CSMD1: variants seen among roughly 807,000 people sequenced by gnomAD.
CSMD1 encodes the protein CUB and sushi domain-containing protein 1.
A neutral mutation model predicts 417.5 loss-of-function variants in CSMD1; 213 were observed. That is an observed-to-expected ratio of 0.51 (90% CI 0.46 to 0.57). The LOEUF (loss-of-function observed/expected upper bound fraction) is 0.57. Ranked by LOEUF, CSMD1 falls within the 20% of genes least tolerant of loss-of-function variation. The pLI is 0.00. For synonymous variants in CSMD1, 2,862 were observed against 1,736.8 expected (o/e 1.65, Z -16.11); for missense variants, 6,923 against 4,529.7 (o/e 1.53, Z -15.17).
chr8:4,852,391 T>G (rs997110258), intron 1 of CSMD1, among the ~76,000 whole-genome samples: 1 of 152,094 alleles, frequency 6.6e-6, no homozygotes, highest in African/African-American at 2.4e-5. Context: ...CTCTCCTCTC[T>G]CTCTCGTTCT....
intron 1 of CSMD1, among the ~76,000 whole-genome samples, chr8:4,714,098 T>C (rs1453414810): frequency 6.6e-6 from 1 of 151,854 alleles, no homozygotes; most frequent in East Asian, 1.9e-4. Flanking sequence ...TGAGCCAAGA[T>C]CATGCCATTG....
intron 10 of CSMD1, among the ~76,000 whole-genome samples, chr8:3,499,797 G>A (rs10103359): frequency 0.076 from 11,589 of 152,084 alleles, 465 homozygotes; most frequent in Middle Eastern, 0.095. Context: ...TGATGGCTGC[G>A]TTCTCAAGAT....
At chr8:3,124,615 A>C (rs1262194641) in intron 41 of CSMD1, among the ~76,000 whole-genome samples, 2 of 152,112 alleles carry the variant, frequency 1.3e-5, no homozygotes, top group Non-Finnish European at 2.9e-5. Flanking sequence ...CTTCTCCTAA[A>C]GTGTGTGCCC....
chr8:3,721,678 G>C (rs560979074), intron 6 of CSMD1, among the ~76,000 whole-genome samples: 16 of 152,194 alleles, frequency 1.1e-4, no homozygotes, highest in Admixed American at 4.6e-4. Context: ...TTTTGGAAGA[G>C]CTTCTTTAAT....
intron 7 of CSMD1, among the ~76,000 whole-genome samples, chr8:3,692,301 G>A (rs1468896033): frequency 1.3e-5 from 2 of 152,110 alleles, no homozygotes; most frequent in Non-Finnish European, 2.9e-5. Context: ...ACACCCCACT[G>A]AACTTCAAGT....
chr8:4,358,730 CTCAAGAT>C lies in CSMD1; in HGVS notation c.415+61216_415+61222del, dbSNP rs529412845. 7.8e-3 allele frequency among the ~76,000 whole-genome samples: 1,192 copies of C among 152,222 alleles called. 5 individuals are homozygous for C. Among genetic ancestry groups the C allele is most frequent in the Non-Finnish European group, 0.012 (828 of 68,002 alleles). On this transcript the variant is annotated intron_variant, in intron 3 of 69. Coordinates refer to ENST00000635120, the MANE Select transcript of CSMD1 (RefSeq NM_033225.6). ...TTGTAGCTTAATCATTAAAATATCT[CTCAAGAT>C]AAGTGTATATGATTTCAAAAAGCAA... is the stretch of plus-strand genomic sequence containing the variant.
chr8:3,541,014 C>A (rs1178059518), intron 10 of CSMD1, among the ~76,000 whole-genome samples: 1 of 152,212 alleles, frequency 6.6e-6, no homozygotes, highest in Non-Finnish European at 1.5e-5. Flanking sequence ...TTTGACCCAG[C>A]AATCCCATTA....
intron 12 of CSMD1, among the ~76,000 whole-genome samples, chr8:3,451,002 C>T (rs1282567794): frequency 6.6e-6 from 1 of 152,152 alleles, no homozygotes; most frequent in Non-Finnish European, 1.5e-5. Flanking sequence ...CTAATGACTG[C>T]CATTCTAACT....
At chr8:3,420,131 T>A (rs564744465) in intron 12 of CSMD1, among the ~76,000 whole-genome samples, 3 of 152,260 alleles carry the variant, frequency 2.0e-5, no homozygotes, top group Admixed American at 6.5e-5. Context: ...GGGAAGTCAT[T>A]CAACTTAAGA....
At chr8:4,595,822 C>T (rs958101653) in intron 2 of CSMD1, among the ~76,000 whole-genome samples, 1 of 152,184 alleles carries the variant, frequency 6.6e-6, no homozygotes, top group Non-Finnish European at 1.5e-5. Flanking sequence ...TTCAGAGCTC[C>T]TGTTTTCCTT....
At chr8:3,996,966 T>G (rs746834553) in intron 5 of CSMD1, among the ~76,000 whole-genome samples, 3 of 152,202 alleles carry the variant, frequency 2.0e-5, no homozygotes, top group Non-Finnish European at 4.4e-5. Flanking sequence ...AAATGCAAAC[T>G]GCAACCTGCC....
intron 50 of CSMD1, among the ~76,000 whole-genome samples, chr8:3,037,243 TGG>T (rs1491191527): frequency 1.3e-5 from 2 of 149,832 alleles, no homozygotes; most frequent in African/African-American, 4.9e-5. Flanking sequence ...TCTCGCTCTG[TGG>T]CCCAGGCTGG....
At chr8:4,920,715 T>C (rs1806380285) in intron 1 of CSMD1, among the ~76,000 whole-genome samples, 1 of 151,582 alleles carries the variant, frequency 6.6e-6, no homozygotes, top group Non-Finnish European at 1.5e-5. Context: ...CCCAGCTACT[T>C]AGAAGGCTAA....
chr8:3,955,325 C>T (rs1811870059), intron 5 of CSMD1, among the ~76,000 whole-genome samples: 1 of 152,178 alleles, frequency 6.6e-6, no homozygotes, highest in Non-Finnish European at 1.5e-5. Flanking sequence ...CTTGGTGAAA[C>T]TCCATGTTAC....
intron 8 of CSMD1, among the ~76,000 whole-genome samples, chr8:3,600,245 G>C (rs1209485879): frequency 4.6e-5 from 7 of 152,108 alleles, no homozygotes; most frequent in Non-Finnish European, 1.0e-4. Context: ...CTCCCCATTA[G>C]TATAAATAGG....
chr8:4,242,040 T>G (rs1802436254), intron 3 of CSMD1, among the ~76,000 whole-genome samples: 1 of 152,200 alleles, frequency 6.6e-6, no homozygotes, highest in East Asian at 1.9e-4. Flanking sequence ...ACCTTTTGAC[T>G]TTGTGAAATG....
chr8:3,709,502 G>A (rs1311102508), intron 6 of CSMD1, among the ~76,000 whole-genome samples: 2 of 151,996 alleles, frequency 1.3e-5, no homozygotes, highest in South Asian at 2.1e-4. Context: ...GGGTGTCTGT[G>A]AGAATGTCAT....
chr8:4,945,933 C>T (rs1039192485), intron 1 of CSMD1, among the ~76,000 whole-genome samples: 17 of 152,100 alleles, frequency 1.1e-4, no homozygotes, highest in Admixed American at 9.2e-4. Flanking sequence ...TATCAAACTC[C>T]GCTGGGAGCT....
chr8:4,838,441 A>C (rs545537070), intron 1 of CSMD1, among the ~76,000 whole-genome samples: 2 of 152,222 alleles, frequency 1.3e-5, no homozygotes, highest in Non-Finnish European at 2.9e-5. Flanking sequence ...CTCAAACCAG[A>C]GGGAAGGGAA....
Sources: allele counts gnomAD v4.1 joint callset (sites outside exome capture counted in the v4.1 genomes callset), GRCh38; gene constraint gnomAD v4.1.1; transcripts MANE v1.5; gene names NCBI Gene and HGNC (gene_info 2026-07-23, HGNC 2026-07-21).